The following DIAPH2 variants were observed in gnomAD, a reference collection of about 807,000 sequenced individuals.
The protein encoded by DIAPH2 is diaphanous related formin 2.
Under a neutral mutation model 92.7 loss-of-function variants are expected in DIAPH2, and 35 were observed. That is an observed-to-expected ratio of 0.38 (90% CI 0.29 to 0.50). The LOEUF (loss-of-function observed/expected upper bound fraction) is 0.50. Ranked by LOEUF, DIAPH2 falls within the 20% of genes least tolerant of loss-of-function variation. The pLI is 0.94. For missense variants in DIAPH2, 701 were observed against 819.5 expected, an observed-to-expected ratio of 0.86 and a Z score of 1.77; for synonymous variants, 301 against 280.4, an observed-to-expected ratio of 1.07 and a Z score of -0.73.
rs1303338750 is a variant in DIAPH2, at chrX:97,603,171, A to C, written c.*3854A>C. On this transcript the variant is annotated 3_prime_UTR_variant, in exon 27 of 27. Coordinates refer to ENST00000324765, the MANE Select transcript of DIAPH2 (RefSeq NM_006729.5). ...TTTTTTTTTTTTTACAATCATTCAG[A>C]TTGTGAATTCAGGCTCAGAATTTAC... The C allele has an allele frequency of 3.7e-4, 40 of 107,551 alleles. No individual in the cohort carries two copies. The highest frequency in any genetic ancestry group is 1.3e-3 in the African/African-American group (38 of 29,393). The allele number at this position is 107,551 out of a possible 1,213,427, so 8.9% of individuals were successfully genotyped here.
intron 23 of DIAPH2, among the ~76,000 whole-genome samples, chrX:97,252,464 A>G (rs903836502): frequency 1.8e-5 from 2 of 111,995 alleles, no homozygotes; most frequent in Admixed American, 9.5e-5. Context: ...TCCTTTCCAG[A>G]TAATTCAAAA....
intron 4 of DIAPH2, among the ~76,000 whole-genome samples, chrX:96,813,325 C>G (rs1290191906): frequency 9.1e-6 from 1 of 109,936 alleles, no homozygotes; most frequent in Non-Finnish European, 1.9e-5. Flanking sequence ...TCTGTTTTAT[C>G]AGAGACTAGG....
intron 22 of DIAPH2, among the ~76,000 whole-genome samples, chrX:97,183,695 C>A (rs1246946079): frequency 8.9e-6 from 1 of 111,925 alleles, no homozygotes; most frequent in Non-Finnish European, 1.9e-5. Context: ...TCTTTAGAAC[C>A]ATTTTTGTTC....
At chrX:97,037,423 C>A (rs114950767) in intron 17 of DIAPH2, among the ~76,000 whole-genome samples, 36 of 111,656 alleles carry the variant, frequency 3.2e-4, no homozygotes, top group African/African-American at 1.1e-3. Flanking sequence ...TCTTTCCTTC[C>A]TGCAAGCATT....
At chrX:97,495,718 T>G (rs1181363667) in intron 26 of DIAPH2, among the ~76,000 whole-genome samples, 1 of 111,930 alleles carries the variant, frequency 8.9e-6, no homozygotes, top group Non-Finnish European at 1.9e-5. Context: ...GTGATAAAAG[T>G]TTTTGAAAAC....
Position 96,760,708 on chromosome X carries a change from C to T in DIAPH2, c.447+2450C>T, listed in dbSNP as rs191257624. 5.5e-4 allele frequency among the ~76,000 whole-genome samples: 61 copies of T among 110,462 alleles called. 1 individual carries two copies. The highest frequency in any genetic ancestry group is 2.8e-3 in the East Asian group (10 of 3,534). The stretch of plus-strand genomic sequence containing the variant: ...TCTAAAGCAAACAAGAGTCTTTTGT[C>T]GTATAATTAACTTTGCTAAAATTAG... On this transcript the variant is annotated intron_variant, in intron 4 of 26. Transcript: ENST00000324765.
At chrX:97,595,068 C>T (rs943504547) in intron 26 of DIAPH2, among the ~76,000 whole-genome samples, 29 of 111,959 alleles carry the variant, frequency 2.6e-4, no homozygotes, top group Non-Finnish European at 3.9e-4. Context: ...TAATGCAGCT[C>T]GAGTCCTCCA....
intron 1 of DIAPH2, among the ~76,000 whole-genome samples, chrX:96,709,261 ATGCCAGTGGTAAT>A (rs1458990147): frequency 2.7e-5 from 3 of 112,090 alleles, no homozygotes; most frequent in African/African-American, 9.7e-5. Context: ...AAACCTATAT[ATGCCAGTGGTAAT>A]TGCTATTGTA....
chrX:96,945,872 T>G (rs1427172858), intron 14 of DIAPH2, among the ~76,000 whole-genome samples: 2 of 111,869 alleles, frequency 1.8e-5, no homozygotes, highest in Non-Finnish European at 3.8e-5. Flanking sequence ...AAGGGTATAG[T>G]TGGAAGCAAT....
At position 96,807,944 on chromosome X, in the gene DIAPH2, CAAAAAAAAAAAAAAAAAA is replaced by C. The variant is rs541681495; in HGVS notation, c.447+49708_447+49725del. Among the ~76,000 whole-genome samples, 21 of 14,483 alleles carry C rather than the reference CAAAAAAAAAAAAAAAAAA, an allele frequency of 1.4e-3. No individual in the cohort carries two copies. The East Asian group carries it at 0.032, about 22-fold the overall frequency. The allele number at this position is 14,483 out of a possible 115,157, so 12.6% of individuals were successfully genotyped here. On this transcript the variant is annotated intron_variant, in intron 4 of 26. Coordinates refer to ENST00000324765, the MANE Select transcript of DIAPH2 (RefSeq NM_006729.5). Reference sequence around the variant, plus strand: ...GTGAGATTTGGTATTGTAGAAATAGCAAAAAAAAAAAAAAAAAAAAAAAAAAAAAAAAAAAAAAAGTCT... The same window carrying C: ...GTGAGATTTGGTATTGTAGAAATAGCAAAAAAAAAAAAAAAAAAAAAGTCT...
rs762385952 is a variant in DIAPH2, at chrX:96,948,443, C to T, written c.1510-492C>T. Among the ~76,000 whole-genome samples the T allele has an allele frequency of 2.0e-4, 22 of 110,669 alleles. No homozygotes were observed. The South Asian group carries it at 2.7e-3, about 14-fold the overall frequency. Reference sequence around the variant, plus strand: ...CAAAAATTAGCCAGGTGTGGTGGTGCGCACCTGTAATCCTAGCTACTTGAG... The same window carrying T: ...CAAAAATTAGCCAGGTGTGGTGGTGTGCACCTGTAATCCTAGCTACTTGAG... On this transcript the variant is annotated intron_variant, in intron 14 of 26. Transcript: ENST00000324765.
At chrX:97,054,627 G>A (rs1258809236) in intron 17 of DIAPH2, among the ~76,000 whole-genome samples, 4 of 111,770 alleles carry the variant, frequency 3.6e-5, no homozygotes, top group African/African-American at 1.3e-4. Context: ...AAGGTATACA[G>A]CCTTGGGATG....
intron 20 of DIAPH2, among the ~76,000 whole-genome samples, chrX:97,109,886 A>G (rs1249785964): frequency 8.9e-6 from 1 of 111,988 alleles, no homozygotes; most frequent in Non-Finnish European, 1.9e-5. Flanking sequence ...AGATGAATCA[A>G]TGAAGAATTT....
chrX:96,759,105 G>A (rs1003473863), intron 4 of DIAPH2, among the ~76,000 whole-genome samples: 23 of 110,475 alleles, frequency 2.1e-4, no homozygotes, highest in African/African-American at 6.9e-4. Context: ...GTGATATTTT[G>A]TGTGTATACA....
intron 19 of DIAPH2, among the ~76,000 whole-genome samples, chrX:97,098,307 T>G (rs2066882524): frequency 9.0e-6 from 1 of 111,645 alleles, no homozygotes; most frequent in African/African-American, 3.3e-5. Context: ...TCCAGAACTT[T>G]GTCATCATCC....
At chrX:96,846,304 C>A (rs1408755534) in intron 4 of DIAPH2, among the ~76,000 whole-genome samples, 4 of 109,499 alleles carry the variant, frequency 3.7e-5, no homozygotes, top group Non-Finnish European at 7.6e-5. Flanking sequence ...TGTACCACCA[C>A]GCCCGGCTAA....
chrX:96,779,162 A>G (rs1210457273), intron 4 of DIAPH2, among the ~76,000 whole-genome samples: 1 of 111,767 alleles, frequency 8.9e-6, no homozygotes, highest in Non-Finnish European at 1.9e-5. Flanking sequence ...TTCTTCTGTA[A>G]AGTAGAACTT....
intron 21 of DIAPH2, among the ~76,000 whole-genome samples, chrX:97,115,347 C>A (rs1168561522): frequency 1.8e-5 from 2 of 109,964 alleles, no homozygotes; most frequent in Non-Finnish European, 3.8e-5. Flanking sequence ...AACAGCCTGG[C>A]CAGCATGGTG....
chrX:97,352,625 T>C (rs1454857648), intron 24 of DIAPH2, among the ~76,000 whole-genome samples: 1 of 108,472 alleles, frequency 9.2e-6, no homozygotes, highest in Non-Finnish European at 1.9e-5. Context: ...ATCCCAGCAC[T>C]TTGGGAGGCC....
Sources: allele counts gnomAD v4.1 joint callset (sites outside exome capture counted in the v4.1 genomes callset), GRCh38; gene constraint gnomAD v4.1.1; transcripts MANE v1.5; gene names NCBI Gene and HGNC (gene_info 2026-07-23, HGNC 2026-07-21).